The following USP48 variants were observed in gnomAD, a reference collection of about 807,000 sequenced individuals.
USP48 encodes the protein ubiquitin carboxyl-terminal hydrolase 48.
A neutral mutation model predicts 150.7 loss-of-function variants in USP48; 43 were observed. The observed-to-expected ratio is 0.29, with a 90% CI of 0.22 to 0.37. The LOEUF (loss-of-function observed/expected upper bound fraction) is 0.37. Among genes scored for constraint, USP48 ranks in the 10% least tolerant of loss-of-function variants. USP48 has a pLI of 1.00. For missense variants in USP48, 813 were observed against 1,249.6 expected (o/e 0.65, Z 5.27); for synonymous variants, 396 against 425.9 (o/e 0.93, Z 0.86).
At chr1:21,719,961 GAAAAT>G (rs962046260) in intron 14 of USP48, among the ~76,000 whole-genome samples, 59 of 152,218 alleles carry the variant, frequency 3.9e-4, no homozygotes, top group African/African-American at 1.3e-3. Context: ...CTTGAATGCA[GAAAAT>G]ACAGAATATT....
At chr1:21,710,123 T>C (rs2097686457) in intron 15 of USP48, among the ~76,000 whole-genome samples, 2 of 152,196 alleles carry the variant, frequency 1.3e-5, no homozygotes, top group South Asian at 4.1e-4. Context: ...ATTAAACTTG[T>C]ATCCTGCAAT....
Position 21,689,999 on chromosome 1 carries a change from A to C in USP48, c.2984T>G (p.Ile995Ser), listed in dbSNP as rs2097592801. ...CTTCAATAAAATGACAGATTCAGGA[A>C]TGACGCCAAGGGTGCCTAGGGTGGC... ...DCATLGTLGV[I>S]PESVILLKAD... Residue 995 changes from isoleucine to serine, a missense_variant, in exon 24 of 27, where the codon ATT (isoleucine) becomes AGT (serine). Transcript: ENST00000308271. The C allele has an allele frequency of 6.2e-7, 1 of 1,614,030 alleles. No individual in the cohort carries two copies. The highest frequency in any genetic ancestry group is 8.5e-7 in the Non-Finnish European group (1 of 1,179,982).
intron 1 of USP48, among the ~76,000 whole-genome samples, chr1:21,775,917 G>GT (rs2097897105): frequency 6.6e-6 from 1 of 152,090 alleles, no homozygotes; most frequent in East Asian, 1.9e-4. Context: ...AAGATTAACT[G>GT]TAACAAAAAG....
chr1:21,769,386 G>A (rs561253121), intron 1 of USP48, among the ~76,000 whole-genome samples: 1 of 151,732 alleles, frequency 6.6e-6, no homozygotes, highest in South Asian at 2.1e-4. Context: ...TTACTTGGGG[G>A]TGGAGGGTGG....
At chr1:21,773,235 A>G (rs1296683769) in intron 1 of USP48, among the ~76,000 whole-genome samples, 1 of 149,088 alleles carries the variant, frequency 6.7e-6, no homozygotes, top group Non-Finnish European at 1.5e-5. Flanking sequence ...AGCCTGGGCA[A>G]CAGACTGAGA....
At chr1:21,724,471 C>T (rs112677621) in intron 11 of USP48, 16 of 378,898 alleles carry the variant, frequency 4.2e-5, no homozygotes, top group Admixed American at 2.1e-4. Flanking sequence ...ATAACACAAC[C>T]TCATGCCCTA....
At chr1:21,772,260 G>A (rs754957352) in intron 1 of USP48, among the ~76,000 whole-genome samples, 14 of 151,902 alleles carry the variant, frequency 9.2e-5, no homozygotes, top group Non-Finnish European at 1.0e-4. Context: ...AAAAACTAAC[G>A]TACCAAAAGG....
chr1:21,681,895 T>G (rs1344738109), intron 25 of USP48, among the ~76,000 whole-genome samples: 1 of 152,186 alleles, frequency 6.6e-6, no homozygotes, highest in Non-Finnish European at 1.5e-5. Flanking sequence ...TTGAAGACAG[T>G]CATCATCCCT....
intron 15 of USP48, among the ~76,000 whole-genome samples, chr1:21,710,300 T>C (rs1180920147): frequency 6.6e-6 from 1 of 152,136 alleles, no homozygotes; most frequent in Non-Finnish European, 1.5e-5. Context: ...GAAATCTAGT[T>C]AACAATGAAT....
chr1:21,769,372 G>T (rs900537760), intron 1 of USP48, among the ~76,000 whole-genome samples: 2 of 151,874 alleles, frequency 1.3e-5, no homozygotes, highest in Non-Finnish European at 1.5e-5. Flanking sequence ...TAGACGTTGG[G>T]GTCTTACTTG....
intron 1 of USP48, among the ~76,000 whole-genome samples, chr1:21,779,891 G>C (rs189131547): frequency 1.3e-5 from 2 of 152,148 alleles, no homozygotes; most frequent in African/African-American, 4.8e-5. Flanking sequence ...CCAAGTAGGA[G>C]GGCCTAACCA....
At chr1:21,748,084 CTG>C in intron 7 of USP48, 52 bp downstream of exon 7, 7 of 1,523,336 alleles carry the variant, frequency 4.6e-6, no homozygotes, top group Non-Finnish European at 5.3e-6. Context: ...ATGGTAAAGT[CTG>C]TACATAGTAG....
At chr1:21,725,898 G>A (rs534604576) in intron 11 of USP48, among the ~76,000 whole-genome samples, 9 of 152,284 alleles carry the variant, frequency 5.9e-5, no homozygotes, top group African/African-American at 2.2e-4. Context: ...CAGGGATAGA[G>A]TACACTGGGT....
chr1:21,688,613 G>A (rs1047784095), intron 24 of USP48, among the ~76,000 whole-genome samples: 3 of 151,340 alleles, frequency 2.0e-5, no homozygotes, highest in African/African-American at 7.3e-5. Flanking sequence ...GAGGTGAGGC[G>A]GGCAGATCAC....
intron 10 of USP48, 51 bp downstream of exon 10, chr1:21,729,653 G>A: frequency 6.3e-7 from 1 of 1,591,182 alleles, no homozygotes; most frequent in Non-Finnish European, 8.6e-7. Context: ...TAATCTTTGA[G>A]TATGGCATTC....
At chr1:21,693,039 T>G (rs968203660) in intron 23 of USP48, among the ~76,000 whole-genome samples, 6 of 152,088 alleles carry the variant, frequency 3.9e-5, no homozygotes, top group Admixed American at 1.3e-4. Flanking sequence ...GTGGCTCTCC[T>G]CTGCTTGCGA....
In USP48 at chr1:21,721,675, T is replaced by G; in HGVS notation, c.1738A>C (p.Asn580His). ...CCCTTTACTGCTGCTTTCAGCAGATTATTAACAGTTTTATAATCTTCATTT... is the reference window on the plus strand; with the variant it reads ...CCCTTTACTGCTGCTTTCAGCAGATGATTAACAGTTTTATAATCTTCATTT... ...QLNEDYKTVN[N>H]LLKAAVKGSD... The change falls in exon 13 of 27, where the codon AAT (asparagine) becomes CAT (histidine). Residue 580 changes from asparagine (N) to histidine (H), a missense_variant. Transcript: ENST00000308271. The G allele has an allele frequency of 6.2e-7, 1 of 1,603,532 alleles. No homozygotes were observed. Among genetic ancestry groups the G allele is most frequent in the Non-Finnish European group, 8.5e-7 (1 of 1,173,750 alleles).
intron 2 of USP48, 176 bp downstream of exon 2, chr1:21,757,487 A>G (rs2097839729): frequency 5.8e-6 from 3 of 516,204 alleles, no homozygotes; most frequent in South Asian, 4.7e-5. Flanking sequence ...GTTTTAAAGC[A>G]TATCATTAAG....
intron 1 of USP48, among the ~76,000 whole-genome samples, chr1:21,758,277 A>G (rs757786527): frequency 1.1e-4 from 16 of 151,906 alleles, no homozygotes; most frequent in Non-Finnish European, 2.2e-4. Flanking sequence ...AATCCAGGAC[A>G]CATTATTAAG....
Sources: allele counts gnomAD v4.1 joint callset (sites outside exome capture counted in the v4.1 genomes callset), GRCh38; gene constraint gnomAD v4.1.1; transcripts MANE v1.5; gene names NCBI Gene and HGNC (gene_info 2026-07-23, HGNC 2026-07-21).